Variants in CCDC192 observed in about 807,000 individuals in gnomAD.
CCDC192 encodes the protein coiled-coil domain containing 192.
chr5:127,820,791 A>G (rs1749253394), intron 5 of CCDC192, among the ~76,000 whole-genome samples: 1 of 152,188 alleles, frequency 6.6e-6, no homozygotes, highest in Non-Finnish European at 1.5e-5. Context: ...TATATGTATC[A>G]TCTGTTTCCT....
chr5:127,884,433 A>T (rs1056894444), intron 6 of CCDC192, among the ~76,000 whole-genome samples: 1 of 150,694 alleles, frequency 6.6e-6, no homozygotes, highest in South Asian at 2.1e-4. Flanking sequence ...TATCATTACC[A>T]TATATTCTTT....
chr5:127,842,804 G>A (rs1750347698), intron 5 of CCDC192, among the ~76,000 whole-genome samples: 1 of 152,102 alleles, frequency 6.6e-6, no homozygotes, highest in Admixed American at 6.5e-5. Flanking sequence ...TGTCTTAGAT[G>A]CAACCTGGCT....
intron 2 of CCDC192, among the ~76,000 whole-genome samples, chr5:127,748,649 G>T (rs1350155734): frequency 5.0e-5 from 7 of 140,032 alleles, no homozygotes; most frequent in African/African-American, 1.0e-4. Flanking sequence ...GTGAAGAAAG[G>T]CATTGGTAGG....
intron 3 of CCDC192, among the ~76,000 whole-genome samples, chr5:127,783,196 A>G (rs1336209164): frequency 1.3e-5 from 2 of 151,966 alleles, no homozygotes; most frequent in Non-Finnish European, 2.9e-5. Context: ...ATGTTTCACC[A>G]TCTTGGCAAG....
chr5:127,788,502 AG>A (rs1386786459), intron 3 of CCDC192, among the ~76,000 whole-genome samples: 1 of 152,196 alleles, frequency 6.6e-6, no homozygotes, highest in Non-Finnish European at 1.5e-5. Context: ...TGGGAGTCAA[AG>A]TCACTTAAAT....
chr5:127,856,970 T>C (rs1281225910), intron 5 of CCDC192, among the ~76,000 whole-genome samples: 1 of 152,320 alleles, frequency 6.6e-6, no homozygotes, highest in East Asian at 1.9e-4. Context: ...AGTTAGCACG[T>C]GCTGCTGGAA....
intron 6 of CCDC192, among the ~76,000 whole-genome samples, chr5:127,885,096 T>G (rs151859): frequency 1.3e-5 from 2 of 151,350 alleles, no homozygotes; most frequent in Non-Finnish European, 2.9e-5. Flanking sequence ...TCCTTAGGAA[T>G]GGTACTTTTT....
intron 5 of CCDC192, among the ~76,000 whole-genome samples, chr5:127,847,765 G>A (rs1580745402): frequency 1.3e-5 from 2 of 151,900 alleles, no homozygotes; most frequent in East Asian, 3.9e-4. Flanking sequence ...GGAGGTTGCG[G>A]TGAGCCAAGT....
At chr5:127,705,281 G>A (rs191913979) in intron 1 of CCDC192, among the ~76,000 whole-genome samples, 2 of 152,194 alleles carry the variant, frequency 1.3e-5, no homozygotes, top group South Asian at 2.1e-4. Context: ...AAATATAATT[G>A]TCAGGCAGCC....
intron 3 of CCDC192, among the ~76,000 whole-genome samples, chr5:127,779,365 G>A (rs144670025): frequency 0.051 from 7,689 of 151,608 alleles, 654 homozygotes; most frequent in African/African-American, 0.18. Flanking sequence ...GTGTGATCTC[G>A]GCTCACTGCA....
chr5:127,844,043 T>C (rs1439533918), intron 5 of CCDC192, among the ~76,000 whole-genome samples: 3 of 152,330 alleles, frequency 2.0e-5, no homozygotes, highest in Non-Finnish European at 2.9e-5. Context: ...CCCATCCCTA[T>C]AAAAAACGTA....
At chr5:127,711,646 A>G (rs187458232) in intron 2 of CCDC192, among the ~76,000 whole-genome samples, 1 of 152,312 alleles carries the variant, frequency 6.6e-6, no homozygotes, top group African/African-American at 2.4e-5. Flanking sequence ...TTTGATGAGC[A>G]AACTTTCAAA....
At chr5:127,798,389 G>T (rs1757293649) in intron 5 of CCDC192, among the ~76,000 whole-genome samples, 1 of 152,124 alleles carries the variant, frequency 6.6e-6, no homozygotes. Context: ...TAATCAGATG[G>T]TCTAATCAGG....
At chr5:127,786,623 T>C (rs1756554765) in intron 3 of CCDC192, 1 of 754,864 alleles carries the variant, frequency 1.3e-6, no homozygotes, top group Non-Finnish European at 2.5e-6. Flanking sequence ...GAACCCAGTG[T>C]CTACTGAGGT....
chr5:127,720,385 A>G (rs1216937259), intron 2 of CCDC192, among the ~76,000 whole-genome samples: 1 of 152,216 alleles, frequency 6.6e-6, no homozygotes, highest in African/African-American at 2.4e-5. Context: ...GGCAACACTG[A>G]TGAAATGGGC....
At chr5:127,751,674 TG>T (rs1262291128) in intron 2 of CCDC192, among the ~76,000 whole-genome samples, 5 of 152,134 alleles carry the variant, frequency 3.3e-5, no homozygotes, top group African/African-American at 1.2e-4. Context: ...CTTGCTAGAC[TG>T]GGGAAATTCT....
intron 2 of CCDC192, among the ~76,000 whole-genome samples, chr5:127,719,510 TATATATATATATATACACACATAC>T: frequency 2.0e-5 from 1 of 49,074 alleles, no homozygotes; most frequent in South Asian, 5.5e-4. Context: ...CACATACATA[TATATATATATATATACACACATAC>T]ATATATATAT....
intron 3 of CCDC192, among the ~76,000 whole-genome samples, chr5:127,759,351 G>A (rs1040973155): frequency 1.3e-5 from 2 of 152,180 alleles, no homozygotes; most frequent in African/African-American, 4.8e-5. Flanking sequence ...ATCTTTGGTG[G>A]ATGATAAGTT....
rs115385067 is a variant in CCDC192 at position 127,866,642 on chromosome 5, A to T, written c.412-8896A>T. 4.0e-3 allele frequency among the ~76,000 whole-genome samples: 606 copies of T among 152,040 alleles called. 1 individual carries two copies. The highest frequency in any genetic ancestry group is 0.014 in the African/African-American group (572 of 41,466). On this transcript the variant is annotated intron_variant, in intron 5 of 6. Coordinates refer to ENST00000514853, the MANE Select transcript of CCDC192 (RefSeq NM_001317938.2). ...AAAGAATAAAGATTCTAAAGTATTA[A>T]TATCAGTAACATTATTAACTAATAC...
Sources: gnomAD v4.1 joint callset for allele counts (sites outside exome capture counted in the v4.1 genomes callset) on GRCh38, gnomAD v4.1.1 for gene constraint, MANE v1.5 for transcripts, NCBI Gene and HGNC (gene_info 2026-07-23, HGNC 2026-07-21) for gene names.